USH1C: variants seen among roughly 807,000 people sequenced by gnomAD.
USH1C encodes the protein harmonin.
Under a neutral mutation model 119.3 loss-of-function variants are expected in USH1C, and 90 were observed. That is an observed-to-expected ratio of 0.75 (90% CI 0.64 to 0.90). The LOEUF (loss-of-function observed/expected upper bound fraction) is 0.90, where lower values mean the gene tolerates loss of function less well. USH1C is among the 40% of genes least tolerant of loss of function. The pLI, the probability that USH1C is intolerant of heterozygous loss-of-function variation, is 0.00. For synonymous variants in USH1C, 465 were observed against 443.3 expected, an observed-to-expected ratio of 1.05 and a Z score of -0.62; for missense variants, 1,165 against 1,167.7, an observed-to-expected ratio of 1.00 and a Z score of 0.03.
chr11:17,517,608 G>T, intron 14 of USH1C: 1 of 863,046 alleles, frequency 1.2e-6, no homozygotes, highest in Non-Finnish European at 1.9e-6. Context: ...AGGGGCAGGG[G>T]ACAGAGTTCA....
rs749821587 is a variant in USH1C at position 17,522,896 on chromosome 11, G to A, written c.907C>T (p.Arg303Trp). ...TCACGCTGCCGCGCCTCTGCCAGCC[G>A]CTCCCGGTCTGTCATGAACAGCTCC... ...GRELFMTDRE[R>W]LAEARQRELQ... The change falls in exon 12 of 27, where the codon CGG becomes TGG. Residue 303 changes from arginine to tryptophan, a missense_variant. Coordinates refer to ENST00000005226, the MANE Select transcript of USH1C (RefSeq NM_153676.4). The A allele has an allele frequency of 2.4e-5, 38 of 1,612,498 alleles. No individual in the cohort carries two copies. Among genetic ancestry groups the A allele is most frequent in the Non-Finnish European group, 2.8e-5 (33 of 1,179,464 alleles).
intron 1 of USH1C, 97 bp from the exon 2 acceptor site, chr11:17,533,419 C>A: frequency 1.1e-6 from 1 of 880,254 alleles, no homozygotes; most frequent in Admixed American, 1.8e-5. Flanking sequence ...GCCTCCCCAG[C>A]AGCTTTTCAG....
At chr11:17,502,528 C>T (rs1450993754) in intron 20 of USH1C, among the ~76,000 whole-genome samples, 1 of 152,224 alleles carries the variant, frequency 6.6e-6, no homozygotes, top group Admixed American at 6.5e-5. Flanking sequence ...TGTTGAGAAG[C>T]AGTGTTGGCC....
chr11:17,501,606 G>A (rs1421810010), intron 21 of USH1C, 71 bp from the exon 22 acceptor site: 7 of 1,523,542 alleles, frequency 4.6e-6, no homozygotes, highest in Non-Finnish European at 6.3e-6. Flanking sequence ...GGCTGGAAGG[G>A]GAATCCAGGC....
In USH1C at chr11:17,514,797, CTTTTTTTTTTT is replaced by C. The variant is rs57651457; in HGVS notation, c.1260+1433_1260+1443del. 5.0e-3 allele frequency among the ~76,000 whole-genome samples: 689 copies of C among 138,974 alleles called. 10 individuals are homozygous for C. Among genetic ancestry groups the C allele is most frequent in the African/African-American group, 0.018 (666 of 36,034 alleles). 91.2% of individuals were successfully genotyped at this position (138,974 alleles called of 152,430 possible). A position where few individuals can be genotyped will look rare whatever the true frequency, so the allele number is the denominator to read the frequency against. The stretch of plus-strand genomic sequence containing the variant: ...CTATTGATTCTACCCAGAAGCAATT[CTTTTTTTTTTT>C]TTTTTTTTGAAGTGAAAATGAAAAC... On this transcript the variant is annotated intron_variant, in intron 15 of 26. Coordinates refer to ENST00000005226, the MANE Select transcript of USH1C (RefSeq NM_153676.4).
intron 1 of USH1C, among the ~76,000 whole-genome samples, chr11:17,541,579 G>A (rs892818964): frequency 6.6e-6 from 1 of 152,204 alleles, no homozygotes; most frequent in Non-Finnish European, 1.5e-5. Context: ...CTGGTGCTGC[G>A]AACAGAAGAG....
At chr11:17,506,325 C>T (rs1849647483) in intron 18 of USH1C, among the ~76,000 whole-genome samples, 1 of 152,208 alleles carries the variant, frequency 6.6e-6, no homozygotes, top group South Asian at 2.1e-4. Context: ...GTTCCAGTCC[C>T]TGGACCACAG....
chr11:17,539,520 C>A (rs1851367453), intron 1 of USH1C, among the ~76,000 whole-genome samples: 1 of 152,144 alleles, frequency 6.6e-6, no homozygotes, highest in Non-Finnish European at 1.5e-5. Flanking sequence ...CAGAACAGTG[C>A]CTGGCAGGTA....
In USH1C at chr11:17,523,223, A is replaced by C. The variant is rs754717329; in HGVS notation, c.864T>G (p.Ile288Met). Residue 288 changes from isoleucine to methionine, a missense_variant, in exon 11 of 27, where the codon ATT (isoleucine) becomes ATG (methionine). By Grantham distance (10) the Ile-to-Met change is conservative. Coordinates refer to ENST00000005226, the MANE Select transcript of USH1C (RefSeq NM_153676.4). ...ATTCTGGACTTACAGCTGCAGCTAC[A>C]ATGGAGATGGTCAGGCTGCGGCTAC... is the stretch of plus-strand genomic sequence containing the variant. Reference protein sequence around the residue: ...LKSSRSLTISIVAAAGRELFM... With the variant: ...LKSSRSLTISMVAAAGRELFM... 1.5e-5 allele frequency: 25 copies of C among 1,614,048 alleles called. No homozygotes were observed. Among genetic ancestry groups the C allele is most frequent in the Admixed American group, 1.2e-4 (7 of 60,006 alleles).
At chr11:17,508,544 G>A (rs1292418928) in intron 18 of USH1C, among the ~76,000 whole-genome samples, 1 of 152,224 alleles carries the variant, frequency 6.6e-6, no homozygotes, top group African/African-American at 2.4e-5. Context: ...ATGGCTACGG[G>A]AGTGGAATAA....
At position 17,501,294 on chromosome 11, in the gene USH1C, C is replaced by G. The variant is rs578103148; in HGVS notation, c.2281-144G>C. 35 of 1,038,732 alleles carry G rather than the reference C, an allele frequency of 3.4e-5. 2 individuals carry two copies. The Middle Eastern group carries it at 1.3e-3, about 38-fold the overall frequency. 64.3% of individuals were successfully genotyped at this position (1,038,732 alleles called of 1,614,324 possible). A position where few individuals can be genotyped will look rare whatever the true frequency, so the allele number is the denominator to read the frequency against. The stretch of plus-strand genomic sequence containing the variant: ...GCAGTGCCATCTGGAGAAAACGCAG[C>G]CTTGGTGCCAAGTGGGGCCTGGGTA... On this transcript the variant is annotated intron_variant, in intron 22 of 26. Transcript: ENST00000005226.
At chr11:17,516,608 G>A in intron 14 of USH1C, 1 of 410,984 alleles carries the variant, frequency 2.4e-6, no homozygotes, top group Non-Finnish European at 4.6e-6. Flanking sequence ...GGAAGGATGA[G>A]CTTTTCCAAA....
At chr11:17,517,506 A>G in intron 14 of USH1C, 2 of 1,563,606 alleles carry the variant, frequency 1.3e-6, no homozygotes, top group Non-Finnish European at 8.7e-7. Flanking sequence ...AAGCTGGTGA[A>G]CCAAAAGGGA....
intron 12 of USH1C, among the ~76,000 whole-genome samples, chr11:17,522,156 A>G (rs576888958): frequency 1.3e-5 from 2 of 152,290 alleles, no homozygotes; most frequent in East Asian, 3.9e-4. Context: ...AATGCCTAAA[A>G]GGTATTTGGA....
intron 4 of USH1C, among the ~76,000 whole-genome samples, chr11:17,528,605 C>T (rs1267423698): frequency 6.6e-6 from 1 of 152,222 alleles, no homozygotes; most frequent in Non-Finnish European, 1.5e-5. Context: ...AGCTGGACTC[C>T]CTGTGGGTCT....
rs765918184 is a variant in USH1C, at chr11:17,510,459, C to A, written c.1476G>T (p.Arg492Ser). 9.3e-6 allele frequency: 15 copies of A among 1,613,124 alleles called. No individual in the cohort carries two copies. Among genetic ancestry groups the A allele is most frequent in the Admixed American group, 1.7e-5 (1 of 59,952 alleles). ...TCTGCTCGAGGCGCGTTTGACAGAG[C>A]CTCTCCACCCAATATTGAATCTTTT... ...ESEKIQYWVE[R>S]LCQTRLEQIS... is the part of the protein sequence containing the mutation. Residue 492 changes from arginine (R) to serine (S), a missense_variant, in exon 17 of 27, where the codon AGG becomes AGT. Transcript: ENST00000005226.
chr11:17,511,944 C>T lies in USH1C; in HGVS notation c.1371G>A (p.Leu457=), dbSNP rs752599433. 1 of 1,614,164 alleles carries T rather than the reference C, an allele frequency of 6.2e-7. No homozygotes were observed. The highest frequency in any genetic ancestry group is 2.2e-5 in the East Asian group (1 of 44,894). ...TGATCTTTAGCTGCTTTTCCTTCTC[C>T]AGCATTTCCTCTTTCTCTTTGTAAA... is the stretch of plus-strand genomic sequence containing the variant. ...QKLYKEKEEM[L]EKEKQLKINR... The change falls in exon 16 of 27, where the codon CTG becomes CTA. Residue 457 remains leucine, a synonymous_variant. Transcript: ENST00000005226.
At position 17,494,326 on chromosome 11, in the gene USH1C, T is replaced by G; in HGVS notation, c.*6A>C. 6.2e-7 allele frequency: 1 copy of G among 1,607,990 alleles called. No individual in the cohort carries two copies. The highest frequency in any genetic ancestry group is 1.1e-5 in the South Asian group (1 of 89,394). The stretch of plus-strand genomic sequence containing the variant: ...TTCACGAGGTGGGGCCGGAGCTCAC[T>G]GTTTCCTAACGGTGAATTTGGTTTC... On this transcript the variant is annotated 3_prime_UTR_variant, in exon 27 of 27. Coordinates refer to ENST00000005226, the MANE Select transcript of USH1C (RefSeq NM_153676.4).
rs772454879 is a variant in USH1C, at chr11:17,531,381, T to A, written c.248+18A>T. ...ATCTCTCCACCCCCTGCCTCCAGCC[T>A]GGTGGCTTCCTCTGCACCTGGAGCG... is the stretch of plus-strand genomic sequence containing the variant. On this transcript the variant is annotated intron_variant, in intron 3 of 26. Transcript: ENST00000005226. The surrounding 1 kb of genome is among the most constrained non-coding windows in gnomAD (Gnocchi z 4.2). 7.4e-6 allele frequency: 12 copies of A among 1,613,720 alleles called. No individual in the cohort carries two copies. The highest frequency in any genetic ancestry group is 9.3e-6 in the Non-Finnish European group (11 of 1,179,794).
Sources: gnomAD v4.1 joint callset for allele counts (sites outside exome capture counted in the v4.1 genomes callset) on GRCh38, gnomAD v4.1.1 for gene constraint, Gnocchi (gnomAD v3.1) non-coding constraint, MANE v1.5 for transcripts, NCBI Gene and HGNC (gene_info 2026-07-23, HGNC 2026-07-21) for gene names.